The following DLG2 variants were observed in gnomAD, a reference collection of about 807,000 sequenced individuals.
DLG2 encodes discs large MAGUK scaffold protein 2, also known as disks large homolog 2.
Under a neutral mutation model 132.5 loss-of-function variants are expected in DLG2, and 45 were observed. That is an observed-to-expected ratio of 0.34 (90% CI 0.27 to 0.44). The LOEUF (loss-of-function observed/expected upper bound fraction) is 0.44. Among genes scored for constraint, DLG2 ranks in the 20% least tolerant of loss-of-function variants. DLG2 has a pLI of 1.00. For synonymous variants in DLG2, 424 were observed against 419.6 expected (o/e 1.01, Z -0.13); for missense variants, 1,045 against 1,196.9 (o/e 0.87, Z 1.87).
intron 3 of DLG2, among the ~76,000 whole-genome samples, chr11:85,495,508 T>C (rs2093650085): frequency 6.6e-6 from 1 of 152,190 alleles, no homozygotes; most frequent in Non-Finnish European, 1.5e-5. Flanking sequence ...AAGAGATTTA[T>C]GCAGCCAACA....
At chr11:84,274,320 C>A (rs985372653) in intron 7 of DLG2, among the ~76,000 whole-genome samples, 4 of 152,114 alleles carry the variant, frequency 2.6e-5, no homozygotes, top group Non-Finnish European at 4.4e-5. Context: ...GGAATCCGTA[C>A]TCTAAGGGCT....
At chr11:84,477,457 T>C (rs183257365) in intron 7 of DLG2, among the ~76,000 whole-genome samples, 2 of 152,174 alleles carry the variant, frequency 1.3e-5, no homozygotes, top group East Asian at 1.9e-4. Context: ...TTTGTGTCAT[T>C]GTACTCCAAC....
intron 6 of DLG2, among the ~76,000 whole-genome samples, chr11:84,879,094 T>A (rs539160268): frequency 3.5e-4 from 53 of 152,230 alleles, no homozygotes; most frequent in South Asian, 8.3e-4. Context: ...AGCATTTGTG[T>A]TCCTTCAGGC....
At chr11:83,667,359 T>C (rs913599860) in intron 18 of DLG2, among the ~76,000 whole-genome samples, 3 of 152,224 alleles carry the variant, frequency 2.0e-5, no homozygotes, top group African/African-American at 7.2e-5. Context: ...CATGCATTCC[T>C]GGAGGGTGGT....
intron 7 of DLG2, among the ~76,000 whole-genome samples, chr11:84,446,818 A>G (rs193233083): frequency 3.5e-4 from 54 of 152,124 alleles, no homozygotes; most frequent in Admixed American, 2.4e-3. Flanking sequence ...CTGAATGTCC[A>G]TCAAAACCCT....
chr11:83,521,250 C>T (rs1028200590), intron 21 of DLG2, among the ~76,000 whole-genome samples: 1 of 152,208 alleles, frequency 6.6e-6, no homozygotes, highest in African/African-American at 2.4e-5. Context: ...TACAAAAGTG[C>T]TTTGCAAATA....
At chr11:84,829,068 C>A (rs1342827977) in intron 6 of DLG2, among the ~76,000 whole-genome samples, 1 of 151,574 alleles carries the variant, frequency 6.6e-6, no homozygotes, top group East Asian at 2.0e-4. Context: ...TCAGGTTACA[C>A]AAAGACATTT....
intron 10 of DLG2, among the ~76,000 whole-genome samples, chr11:84,073,754 G>GT (rs567809051): frequency 6.6e-5 from 10 of 152,080 alleles, no homozygotes; most frequent in East Asian, 1.9e-4. Flanking sequence ...AAATTAAACC[G>GT]TAAGTCTGAA....
At chr11:85,147,672 T>C (rs1317688561) in intron 5 of DLG2, among the ~76,000 whole-genome samples, 1 of 152,222 alleles carries the variant, frequency 6.6e-6, no homozygotes, top group African/African-American at 2.4e-5. Flanking sequence ...AAACTCAGAC[T>C]AAGAAAAACT....
intron 21 of DLG2, among the ~76,000 whole-genome samples, chr11:83,518,897 C>G (rs1001112445): frequency 3.0e-4 from 46 of 152,018 alleles, no homozygotes; most frequent in African/African-American, 1.1e-3. Context: ...TTTAAAATAG[C>G]AAATTCAGTG....
intron 21 of DLG2, among the ~76,000 whole-genome samples, chr11:83,528,183 C>G (rs1280903112): frequency 6.6e-6 from 1 of 152,146 alleles, no homozygotes; most frequent in Non-Finnish European, 1.5e-5. Context: ...CAATAGCCCA[C>G]TTTTCTTTGC....
chr11:84,675,945 C>A (rs1051079644), intron 6 of DLG2, among the ~76,000 whole-genome samples: 3 of 151,894 alleles, frequency 2.0e-5, no homozygotes, highest in Admixed American at 1.3e-4. Context: ...CTCTGGGTAC[C>A]CATACTGGCC....
chr11:84,961,638 C>A (rs911102595), intron 6 of DLG2, among the ~76,000 whole-genome samples: 1 of 151,558 alleles, frequency 6.6e-6, no homozygotes, highest in African/African-American at 2.4e-5. Context: ...CATTCACCAT[C>A]ATTTATGAAA....
chr11:84,766,938 C>T (rs1025273345), intron 6 of DLG2, among the ~76,000 whole-genome samples: 2 of 152,022 alleles, frequency 1.3e-5, no homozygotes, highest in African/African-American at 4.8e-5. Flanking sequence ...CTGTTGGATT[C>T]CAAAGACCAT....
chr11:84,570,242 T>C (rs975977423), intron 6 of DLG2, among the ~76,000 whole-genome samples: 1 of 152,162 alleles, frequency 6.6e-6, no homozygotes, highest in Non-Finnish European at 1.5e-5. Flanking sequence ...TTCCTTGCCA[T>C]TGATTGTGTT....
chr11:84,116,108 G>A (rs2093621693), intron 9 of DLG2, among the ~76,000 whole-genome samples: 1 of 152,186 alleles, frequency 6.6e-6, no homozygotes, highest in Non-Finnish European at 1.5e-5. Context: ...AATCCGCAGT[G>A]CAAGAGCACT....
intron 4 of DLG2, among the ~76,000 whole-genome samples, chr11:85,238,717 C>A (rs2075726643): frequency 6.6e-6 from 1 of 151,988 alleles, no homozygotes; most frequent in Non-Finnish European, 1.5e-5. Flanking sequence ...TTATAGCAGT[C>A]CTGCACCTAC....
chr11:84,923,163 A>G (rs746232195), intron 6 of DLG2: 11 of 1,612,814 alleles, frequency 6.8e-6, no homozygotes, highest in Non-Finnish European at 7.6e-6. Context: ...GCTTCTCAGC[A>G]CAGCGCAAGC....
chr11:84,092,656 A>C (rs946941605), intron 10 of DLG2, among the ~76,000 whole-genome samples: 3 of 152,160 alleles, frequency 2.0e-5, no homozygotes, highest in Admixed American at 6.5e-5. Context: ...TTTAGTCTGC[A>C]CTGTCACTTT....
Sources: allele counts gnomAD v4.1 joint callset (sites outside exome capture counted in the v4.1 genomes callset), GRCh38; gene constraint gnomAD v4.1.1; transcripts MANE v1.5; gene names NCBI Gene and HGNC (gene_info 2026-07-23, HGNC 2026-07-21).